Variants in CSMD1 observed in about 807,000 individuals in gnomAD.
The protein encoded by CSMD1 is CUB and sushi domain-containing protein 1.
CSMD1 carries 213 observed loss-of-function variants against 417.5 expected under a neutral mutation model. That is an observed-to-expected ratio of 0.51 (90% confidence interval 0.46 to 0.57). The LOEUF is 0.57. Ranked by LOEUF, CSMD1 falls within the 20% of genes least tolerant of loss-of-function variation. The pLI is 0.00. For synonymous variants in CSMD1, 2,862 were observed against 1,736.8 expected (o/e 1.65, Z -16.11); for missense variants, 6,923 against 4,529.7 (o/e 1.53, Z -15.17).
intron 1 of CSMD1, among the ~76,000 whole-genome samples, chr8:4,670,860 G>A (rs1350307560): frequency 6.6e-6 from 1 of 152,158 alleles, no homozygotes; most frequent in Non-Finnish European, 1.5e-5. Context: ...TTTGTGTTTG[G>A]TGGTGGCATG....
At chr8:4,723,650 T>C (rs191807859) in intron 1 of CSMD1, among the ~76,000 whole-genome samples, 3 of 152,174 alleles carry the variant, frequency 2.0e-5, no homozygotes, top group Admixed American at 6.6e-5. Context: ...TGACCTTACA[T>C]ATGTATCTTT....
rs1380169406 is a variant in CSMD1, at chr8:3,541,951, G to T, written c.1344+32994C>A. Reference sequence around the variant, plus strand: ...GTGGCTTGTACACCCAGGAGGTGGAGGTTGGAGTGAGCCTAGATGGAGCCA... The same window carrying T: ...GTGGCTTGTACACCCAGGAGGTGGATGTTGGAGTGAGCCTAGATGGAGCCA... On this transcript the variant is annotated intron_variant, in intron 10 of 69. Coordinates refer to ENST00000635120, the MANE Select transcript of CSMD1 (RefSeq NM_033225.6). Among the ~76,000 whole-genome samples, 3 of 152,022 alleles carry T rather than the reference G, an allele frequency of 2.0e-5. No individual in the cohort carries two copies. In the East Asian group the frequency reaches 5.8e-4, roughly 29 times the overall value.
At chr8:4,726,284 G>A (rs186358307) in intron 1 of CSMD1, among the ~76,000 whole-genome samples, 1 of 151,086 alleles carries the variant, frequency 6.6e-6, no homozygotes, top group African/African-American at 2.4e-5. Flanking sequence ...ATCCTTTGTA[G>A]TAATGGCGAC....
At chr8:4,690,673 G>C (rs754369840) in intron 1 of CSMD1, among the ~76,000 whole-genome samples, 7 of 152,124 alleles carry the variant, frequency 4.6e-5, no homozygotes, top group African/African-American at 1.4e-4. Context: ...ATTTCAGCAG[G>C]ATTTTATGAA....
intron 5 of CSMD1, among the ~76,000 whole-genome samples, chr8:3,818,818 C>T (rs1471563807): frequency 2.6e-5 from 4 of 152,192 alleles, no homozygotes; most frequent in Non-Finnish European, 5.9e-5. Flanking sequence ...CTTTGAGTCG[C>T]TGTTTAACTA....
chr8:4,031,623 A>C (rs1230426714), intron 4 of CSMD1, among the ~76,000 whole-genome samples: 2 of 149,862 alleles, frequency 1.3e-5, no homozygotes, highest in Admixed American at 1.4e-4. Context: ...TATGTGGTCC[A>C]AGCATGACTT....
intron 1 of CSMD1, among the ~76,000 whole-genome samples, chr8:4,868,232 C>T (rs564527667): frequency 3.1e-4 from 47 of 152,102 alleles, no homozygotes; most frequent in Admixed American, 2.2e-3. Context: ...TTTTATTAGT[C>T]GTATTATTTT....
intron 18 of CSMD1, among the ~76,000 whole-genome samples, chr8:3,373,942 G>A (rs1454393434): frequency 7.5e-6 from 1 of 134,098 alleles, no homozygotes; most frequent in East Asian, 2.3e-4. Context: ...TTGAAGTAAA[G>A]CATCCAACTA....
intron 5 of CSMD1, among the ~76,000 whole-genome samples, chr8:3,757,558 A>G (rs780637273): frequency 5.9e-5 from 9 of 152,186 alleles, no homozygotes; most frequent in African/African-American, 1.4e-4. Context: ...GCTCTAGCAT[A>G]TATGAAGCGA....
chr8:3,673,269 C>T (rs1210386698), intron 7 of CSMD1, among the ~76,000 whole-genome samples: 1 of 152,172 alleles, frequency 6.6e-6, no homozygotes, highest in African/African-American at 2.4e-5. Flanking sequence ...GCTCTTTGTC[C>T]TCTTTTTCTC....
In CSMD1 at chr8:4,921,528, G is replaced by A. The variant is rs181466341; in HGVS notation, c.85+72804C>T. ...GTGATGTTGGAATCACTATATAGTT[G>A]GTAAAATGGCACTTTAAACTGTGAA... On this transcript the variant is annotated intron_variant, in intron 1 of 69. Coordinates refer to ENST00000635120, the MANE Select transcript of CSMD1 (RefSeq NM_033225.6). Among the ~76,000 whole-genome samples the A allele has an allele frequency of 4.6e-5, 7 of 152,154 alleles. 1 individual carries two copies. The highest frequency in any genetic ancestry group is 6.8e-3 in the Middle Eastern group (2 of 294).
chr8:3,490,713 T>C (rs1818323227), intron 11 of CSMD1, among the ~76,000 whole-genome samples: 1 of 152,126 alleles, frequency 6.6e-6, no homozygotes, highest in South Asian at 2.1e-4. Context: ...AACTCTATCT[T>C]TGACTTGCAG....
At chr8:4,399,229 G>C (rs549135662) in intron 3 of CSMD1, among the ~76,000 whole-genome samples, 12 of 152,270 alleles carry the variant, frequency 7.9e-5, no homozygotes, top group African/African-American at 2.9e-4. Flanking sequence ...ATGACAAACC[G>C]TATTTCCCCT....
intron 10 of CSMD1, among the ~76,000 whole-genome samples, chr8:3,504,691 C>T (rs568362467): frequency 5.3e-5 from 8 of 152,106 alleles, no homozygotes; most frequent in South Asian, 4.1e-4. Flanking sequence ...TTTGAATTCC[C>T]GGCAAATTTT....
chr8:4,045,378 T>G (rs1336909403), intron 3 of CSMD1, among the ~76,000 whole-genome samples: 1 of 152,174 alleles, frequency 6.6e-6, no homozygotes, highest in South Asian at 2.1e-4. Flanking sequence ...GACACTGTCA[T>G]TTAAAACAGT....
At chr8:3,864,235 A>T (rs951895200) in intron 5 of CSMD1, among the ~76,000 whole-genome samples, 33 of 152,356 alleles carry the variant, frequency 2.2e-4, no homozygotes, top group African/African-American at 7.7e-4. Context: ...ACAAACCCAT[A>T]GACTGTTGTT....
intron 3 of CSMD1, among the ~76,000 whole-genome samples, chr8:4,090,976 C>CG (rs1258952488): frequency 1.3e-5 from 2 of 150,440 alleles, no homozygotes; most frequent in Admixed American, 6.6e-5. Flanking sequence ...TGGAGTGCAG[C>CG]GGTGCAATCC....
intron 26 of CSMD1, among the ~76,000 whole-genome samples, chr8:3,283,094 T>C (rs527907335): frequency 6.6e-6 from 1 of 152,242 alleles, no homozygotes; most frequent in South Asian, 2.1e-4. Flanking sequence ...TTTAGGAGAT[T>C]ATAGTTCACG....
At chr8:3,795,203 T>C (rs527626091) in intron 5 of CSMD1, among the ~76,000 whole-genome samples, 7 of 109,180 alleles carry the variant, frequency 6.4e-5, no homozygotes, top group African/African-American at 2.9e-4. Flanking sequence ...CATGTACAGA[T>C]ATAGATACCT....
Sources: allele counts gnomAD v4.1 joint callset (sites outside exome capture counted in the v4.1 genomes callset), GRCh38; gene constraint gnomAD v4.1.1; transcripts MANE v1.5; gene names NCBI Gene and HGNC (gene_info 2026-07-23, HGNC 2026-07-21).